The following TADA2A variants were observed in gnomAD, a reference collection of about 807,000 sequenced individuals.
TADA2A encodes the protein transcriptional adaptor 2A.
A neutral mutation model predicts 67.4 loss-of-function variants in TADA2A; 38 were observed. That is an observed-to-expected ratio of 0.56 (90% confidence interval 0.44 to 0.74). The LOEUF (loss-of-function observed/expected upper bound fraction) is 0.74. TADA2A is among the 30% of genes least tolerant of loss of function. The pLI is 0.00. For synonymous variants in TADA2A, 192 were observed against 181.6 expected (o/e 1.06, Z -0.46); for missense variants, 454 against 547.0 (o/e 0.83, Z 1.70).
intron 4 of TADA2A, among the ~76,000 whole-genome samples, chr17:37,427,234 G>C (rs1264815874): frequency 3.3e-5 from 5 of 152,144 alleles, no homozygotes; most frequent in Non-Finnish European, 7.4e-5. Flanking sequence ...CACAAAAATA[G>C]TTTTATATAC....
In TADA2A at chr17:37,453,759, ATTTTTTTTTTTTT is replaced by A. The variant is rs143096066; in HGVS notation, c.605-4749_605-4737del. On this transcript the variant is annotated intron_variant, in intron 8 of 15. Transcript: ENST00000615182. The stretch of plus-strand genomic sequence containing the variant: ...GAAGCTTACTACCTTGAAATAACTG[ATTTTTTTTTTTTT>A]TTTTTTTTTTTTTTTGAGACAGAGT... Among the ~76,000 whole-genome samples the A allele has an allele frequency of 2.6e-4, 18 of 69,106 alleles. No homozygotes were observed. In the East Asian group the frequency reaches 7.4e-3, roughly 28 times the overall value. 45.3% of individuals were successfully genotyped at this position (69,106 alleles called of 152,430 possible). A position where few individuals can be genotyped will look rare whatever the true frequency, so the allele number is the denominator to read the frequency against.
chr17:37,470,371 T>C, intron 12 of TADA2A, 29 bp from the exon 13 acceptor site: 1 of 1,613,056 alleles, frequency 6.2e-7, no homozygotes, highest in Non-Finnish European at 8.5e-7. Context: ...GCATTGTCAT[T>C]GTGGTCATTG....
intron 5 of TADA2A, among the ~76,000 whole-genome samples, chr17:37,438,939 C>A (rs2052813807): frequency 6.6e-6 from 1 of 152,168 alleles, no homozygotes; most frequent in South Asian, 2.1e-4. Flanking sequence ...GAGATGCATC[C>A]TGTCTTCAGA....
chr17:37,447,658 A>G (rs1412994542), intron 8 of TADA2A, among the ~76,000 whole-genome samples: 5 of 152,190 alleles, frequency 3.3e-5, no homozygotes, highest in South Asian at 2.1e-4. Context: ...TGTCAGCACT[A>G]CAGACCAAAG....
chr17:37,431,734 C>T (rs971110970), intron 4 of TADA2A, among the ~76,000 whole-genome samples: 12 of 151,926 alleles, frequency 7.9e-5, no homozygotes, highest in African/African-American at 2.9e-4. Flanking sequence ...ACCACCGTGC[C>T]CGGCTAATTT....
chr17:37,468,863 G>C (rs1339870433), intron 12 of TADA2A, among the ~76,000 whole-genome samples: 1 of 151,358 alleles, frequency 6.6e-6, no homozygotes, highest in Non-Finnish European at 1.5e-5. Context: ...TGTGATTATT[G>C]ATAGTTGTCA....
intron 3 of TADA2A, 44 bp downstream of exon 3, chr17:37,423,659 T>G: frequency 7.1e-7 from 1 of 1,408,590 alleles, no homozygotes; most frequent in Non-Finnish European, 9.9e-7. Flanking sequence ...TTTTATGCTA[T>G]TTTTTATGAT....
At chr17:37,463,960 A>G (rs1015880739) in intron 10 of TADA2A, among the ~76,000 whole-genome samples, 22 of 152,090 alleles carry the variant, frequency 1.4e-4, no homozygotes, top group African/African-American at 5.3e-4. Flanking sequence ...CTCAAAAAAA[A>G]TAAAAAGGTA....
intron 4 of TADA2A, among the ~76,000 whole-genome samples, chr17:37,433,675 G>A (rs2052637179): frequency 6.6e-6 from 1 of 151,902 alleles, no homozygotes; most frequent in South Asian, 2.1e-4. Flanking sequence ...AAAAAGGGCT[G>A]AGCTCGGTTC....
chr17:37,442,458 C>T (rs1017688949), intron 6 of TADA2A, 106 bp from the exon 7 acceptor site: 1 of 875,802 alleles, frequency 1.1e-6, no homozygotes, highest in Non-Finnish European at 1.7e-6. Context: ...TTCACATTTC[C>T]TTTTATAAAA....
At chr17:37,438,588 ACT>A (rs1434240113) in intron 5 of TADA2A, among the ~76,000 whole-genome samples, 1 of 151,932 alleles carries the variant, frequency 6.6e-6, no homozygotes, top group Non-Finnish European at 1.5e-5. Context: ...ATCAGAATAA[ACT>A]CTGCTGCCTG....
chr17:37,473,081 T>A (rs1186673834), intron 14 of TADA2A, among the ~76,000 whole-genome samples: 1 of 149,734 alleles, frequency 6.7e-6, no homozygotes, highest in Non-Finnish European at 1.5e-5. Context: ...CCAGTTCAGC[T>A]CCTGAGTGGC....
chr17:37,473,580 A>G (rs535247700), intron 14 of TADA2A, among the ~76,000 whole-genome samples: 2 of 152,302 alleles, frequency 1.3e-5, no homozygotes, highest in South Asian at 2.1e-4. Context: ...AGCAACCTCT[A>G]TAAAACTTCG....
At chr17:37,414,375 G>A (rs1213522028) in intron 2 of TADA2A, among the ~76,000 whole-genome samples, 1 of 150,066 alleles carries the variant, frequency 6.7e-6, no homozygotes, top group Non-Finnish European at 1.5e-5. Context: ...TTTCTTTTTA[G>A]CATCTCCGTC....
chr17:37,426,240 A>G (rs1333077963), intron 3 of TADA2A: 1 of 152,176 alleles, frequency 6.6e-6, no homozygotes, highest in Non-Finnish European at 1.5e-5. Flanking sequence ...ATTCCAGGGC[A>G]TATGCTCTCC....
At chr17:37,463,842 A>G (rs973760617) in intron 10 of TADA2A, among the ~76,000 whole-genome samples, 5 of 151,786 alleles carry the variant, frequency 3.3e-5, no homozygotes, top group African/African-American at 1.2e-4. Flanking sequence ...AGTCCCAACT[A>G]CTCAGGAGGC....
At chr17:37,417,892 A>G (rs1402702540) in intron 2 of TADA2A, among the ~76,000 whole-genome samples, 2 of 152,186 alleles carry the variant, frequency 1.3e-5, no homozygotes, top group Non-Finnish European at 2.9e-5. Flanking sequence ...AGAGATAAAT[A>G]CAAGAGAAGT....
intron 8 of TADA2A, 64 bp downstream of exon 8, chr17:37,444,832 C>A: frequency 6.9e-7 from 1 of 1,448,898 alleles, no homozygotes; most frequent in South Asian, 1.2e-5. Context: ...GTCTTGGGTG[C>A]TAGGAATTGA....
chr17:37,460,953 A>T (rs976154340), intron 9 of TADA2A, among the ~76,000 whole-genome samples: 1 of 151,958 alleles, frequency 6.6e-6, no homozygotes, highest in Admixed American at 6.6e-5. Context: ...AACCTAGGAA[A>T]ACCCCATCTC....
Sources: gnomAD v4.1 joint callset for allele counts (sites outside exome capture counted in the v4.1 genomes callset) on GRCh38, gnomAD v4.1.1 for gene constraint, MANE v1.5 for transcripts, NCBI Gene and HGNC (gene_info 2026-07-23, HGNC 2026-07-21) for gene names.